The following ILKAP variants were observed in gnomAD, a reference collection of about 807,000 sequenced individuals.
ILKAP encodes ILK associated serine/threonine phosphatase, also known as integrin-linked kinase-associated serine/threonine phosphatase 2C.
In ILKAP, 11 loss-of-function variants were observed where a neutral mutation model predicts 49.1. The ratio of observed to expected loss-of-function variants is 0.22; its 90% CI spans 0.14 to 0.37. ILKAP has a LOEUF of 0.37. ILKAP is among the 10% of genes least tolerant of loss of function. The pLI, the probability that ILKAP is intolerant of heterozygous loss-of-function variation, is 1.00. For missense variants in ILKAP, 363 were observed against 510.8 expected, an observed-to-expected ratio of 0.71 and a Z score of 2.79; for synonymous variants, 186 against 192.8, an observed-to-expected ratio of 0.96 and a Z score of 0.29.
At chr2:238,174,993 G>C (rs1192596783) in intron 9 of ILKAP, among the ~76,000 whole-genome samples, 1 of 152,190 alleles carries the variant, frequency 6.6e-6, no homozygotes, top group African/African-American at 2.4e-5. Flanking sequence ...GCAATGGCAG[G>C]TCCCAGAAGA....
chr2:238,196,260 T>C (rs1694344439), intron 1 of ILKAP, among the ~76,000 whole-genome samples: 1 of 151,902 alleles, frequency 6.6e-6, no homozygotes, highest in Non-Finnish European at 1.5e-5. Flanking sequence ...CCAAATAATT[T>C]TTGTATTTTT....
chr2:238,190,745 T>C (rs567398020), intron 3 of ILKAP, among the ~76,000 whole-genome samples: 3 of 152,238 alleles, frequency 2.0e-5, no homozygotes. Flanking sequence ...CATTTAGGTA[T>C]AAAAGTATGC....
chr2:238,174,581 C>G (rs1459619137), intron 9 of ILKAP, among the ~76,000 whole-genome samples: 1 of 152,190 alleles, frequency 6.6e-6, no homozygotes, highest in African/African-American at 2.4e-5. Context: ...GTAGGAAATG[C>G]TTCCTGGGCT....
At chr2:238,198,397 C>A (rs1254870283) in intron 1 of ILKAP, among the ~76,000 whole-genome samples, 1 of 151,278 alleles carries the variant, frequency 6.6e-6, no homozygotes, top group Non-Finnish European at 1.5e-5. Context: ...CACCACCATG[C>A]CCAGCTAATT....
intron 3 of ILKAP, among the ~76,000 whole-genome samples, chr2:238,191,153 C>CTTTTTT (rs770071645): frequency 7.0e-6 from 1 of 142,212 alleles, no homozygotes; most frequent in African/African-American, 2.6e-5. Context: ...CACAAGGTGT[C>CTTTTTT]TTTTTTTTTT....
At chr2:238,196,840 T>C (rs1694364294) in intron 1 of ILKAP, among the ~76,000 whole-genome samples, 1 of 152,218 alleles carries the variant, frequency 6.6e-6, no homozygotes, top group African/African-American at 2.4e-5. Context: ...GCAAATACTT[T>C]CACTTTTCTT....
chr2:238,179,386 T>A (rs1010133114), intron 9 of ILKAP, among the ~76,000 whole-genome samples: 3 of 152,244 alleles, frequency 2.0e-5, no homozygotes, highest in African/African-American at 7.2e-5. Flanking sequence ...CCTGCTTTTT[T>A]AGAAGAATCT....
chr2:238,189,211 G>A (rs1388668851), intron 4 of ILKAP, among the ~76,000 whole-genome samples: 1 of 152,216 alleles, frequency 6.6e-6, no homozygotes, highest in Non-Finnish European at 1.5e-5. Context: ...CCAGCTACTC[G>A]GGAGGCTGAG....
At position 238,188,038 on chromosome 2, in the gene ILKAP, T is replaced by C. The variant is rs1693976025; in HGVS notation, c.425+93A>G. 9 of 1,408,260 alleles carry C rather than the reference T, an allele frequency of 6.4e-6. 1 individual carries two copies. The highest frequency in any genetic ancestry group is 3.7e-5 in the South Asian group (3 of 80,072). 87.2% of individuals were successfully genotyped at this position (1,408,260 alleles called of 1,614,324 possible). ...ATGTACAATCAAGTGATGTGTTAGATTTTCTAGTAAATACAAACTAGCCAG... is the reference window on the plus strand; with the variant it reads ...ATGTACAATCAAGTGATGTGTTAGACTTTCTAGTAAATACAAACTAGCCAG... On this transcript the variant is annotated intron_variant, in intron 5 of 11. Transcript: ENST00000254654.
chr2:238,179,872 T>C (rs911122077), intron 9 of ILKAP, among the ~76,000 whole-genome samples: 3 of 152,184 alleles, frequency 2.0e-5, no homozygotes, highest in Non-Finnish European at 2.9e-5. Flanking sequence ...GCCTATAACA[T>C]GGTTCAAAGC....
At chr2:238,187,442 T>C (rs540077699) in intron 5 of ILKAP, among the ~76,000 whole-genome samples, 2 of 151,448 alleles carry the variant, frequency 1.3e-5, no homozygotes, top group South Asian at 2.1e-4. Context: ...TTCTGAATTA[T>C]GTAACCTATG....
chr2:238,196,136 C>T (rs565786877), intron 1 of ILKAP, among the ~76,000 whole-genome samples: 2 of 137,836 alleles, frequency 1.5e-5, no homozygotes, highest in South Asian at 5.0e-4. Flanking sequence ...CTCTGTTGCC[C>T]AGGCTGGAGT....
chr2:238,171,630 C>T (rs572213443), intron 10 of ILKAP, among the ~76,000 whole-genome samples: 1 of 152,322 alleles, frequency 6.6e-6, no homozygotes, highest in South Asian at 2.1e-4. Flanking sequence ...CTTAGGCAAA[C>T]TCCAGAAAAA....
chr2:238,174,326 T>C (rs753125052), intron 9 of ILKAP, among the ~76,000 whole-genome samples: 11 of 152,168 alleles, frequency 7.2e-5, no homozygotes, highest in Non-Finnish European at 1.5e-4. Flanking sequence ...GGAAAAACCA[T>C]TTGGGGAAGC....
intron 9 of ILKAP, among the ~76,000 whole-genome samples, chr2:238,180,245 C>CT (rs1693633469): frequency 6.6e-6 from 1 of 151,686 alleles, no homozygotes; most frequent in Non-Finnish European, 1.5e-5. Context: ...GCTGACTAGA[C>CT]CCTGGTTTGA....
chr2:238,195,939 A>C (rs1694323393), intron 1 of ILKAP, among the ~76,000 whole-genome samples: 1 of 148,802 alleles, frequency 6.7e-6, no homozygotes, highest in Non-Finnish European at 1.5e-5. Context: ...GCTACTCAGT[A>C]GGCTGAGGTG....
At chr2:238,198,360 T>A (rs1007052445) in intron 1 of ILKAP, among the ~76,000 whole-genome samples, 1 of 152,096 alleles carries the variant, frequency 6.6e-6, no homozygotes, top group Non-Finnish European at 1.5e-5. Flanking sequence ...CTCGTCAGAT[T>A]CCCGAGTAGC....
chr2:238,173,484 G>T (rs1574777974), intron 10 of ILKAP, 50 bp downstream of exon 10: 3 of 1,591,590 alleles, frequency 1.9e-6, no homozygotes, highest in African/African-American at 1.4e-5. Flanking sequence ...GTGAGGAAGA[G>T]AAATAAACCC....
At chr2:238,199,669 A>G (rs188484628) in intron 1 of ILKAP, among the ~76,000 whole-genome samples, 1 of 151,588 alleles carries the variant, frequency 6.6e-6, no homozygotes, top group African/African-American at 2.4e-5. Context: ...GAAATTTTAA[A>G]TTTTTACATA....
Sources: gnomAD v4.1 joint callset for allele counts (sites outside exome capture counted in the v4.1 genomes callset) on GRCh38, gnomAD v4.1.1 for gene constraint, MANE v1.5 for transcripts, NCBI Gene and HGNC (gene_info 2026-07-23, HGNC 2026-07-21) for gene names.